Variants in DST observed in about 807,000 individuals in gnomAD.
DST encodes bullous pemphigoid antigen.
A neutral mutation model predicts 875.2 loss-of-function variants in DST; 253 were observed. The ratio of observed to expected loss-of-function variants is 0.29; its 90% CI spans 0.26 to 0.32. DST has a LOEUF of 0.32. Among genes scored for constraint, DST ranks in the 10% least tolerant of loss-of-function variants. The probability of loss-of-function intolerance (pLI) is 1.00; values close to 1 mark genes in which losing one functional copy is unlikely to be tolerated. For missense variants in DST, 8,287 were observed against 9,111.6 expected, an observed-to-expected ratio of 0.91 and a Z score of 3.68; for synonymous variants, 3,124 against 3,197.1, an observed-to-expected ratio of 0.98 and a Z score of 0.77.
intron 49 of DST, among the ~76,000 whole-genome samples, chr6:56,584,499 G>A (rs1259401856): frequency 0.014 from 2,053 of 143,062 alleles, 74 homozygotes; most frequent in African/African-American, 0.057. Flanking sequence ...TGGGGCTGAG[G>A]CCATGGGGTT....
intron 69 of DST, among the ~76,000 whole-genome samples, chr6:56,521,750 C>A (rs1010652661): frequency 2.6e-5 from 4 of 151,944 alleles, no homozygotes; most frequent in African/African-American, 9.7e-5. Flanking sequence ...TAAGGCGAGG[C>A]ATTTTAGGTC....
rs768959266 is a variant in DST, at chr6:56,605,437, C to A, written c.9191G>T (p.Gly3064Val). ...YLGEGEVLVEGLVEEENRHLK... is the reference protein window; with the variant it reads ...YLGEGEVLVEVLVEEENRHLK... ...ATGCCTATTTTCTTCTTCTACTAGA[C>A]CTTCTACAAGCACTTCTCCTTCACC... Residue 3064 changes from glycine to valine, a missense_variant, in exon 40 of 104, where the codon GGT (glycine) becomes GTT (valine). Coordinates refer to ENST00000680361, the MANE Select transcript of DST (RefSeq NM_001374736.1). The A allele has an allele frequency of 6.2e-7, 1 of 1,612,878 alleles. No individual in the cohort carries two copies. The highest frequency in any genetic ancestry group is 1.7e-5 in the Admixed American group (1 of 59,866).
intron 3 of DST, among the ~76,000 whole-genome samples, chr6:56,873,612 C>A (rs1778336810): frequency 6.6e-6 from 1 of 152,068 alleles, no homozygotes; most frequent in South Asian, 2.1e-4. Context: ...GTAAGCCAAG[C>A]ACAAAGAGAA....
chr6:56,590,452 T>C (rs1055543909), intron 49 of DST, among the ~76,000 whole-genome samples: 1 of 152,174 alleles, frequency 6.6e-6, no homozygotes, highest in Admixed American at 6.5e-5. Flanking sequence ...ATATATGCAA[T>C]CAATAATTAT....
intron 4 of DST, among the ~76,000 whole-genome samples, chr6:56,782,521 G>A (rs2099696208): frequency 1.3e-5 from 2 of 152,108 alleles, no homozygotes; most frequent in South Asian, 2.1e-4. Context: ...AGAGGTGTTT[G>A]TAGTATTCTC....
At chr6:56,936,232 A>G (rs1276082715) in intron 2 of DST, among the ~76,000 whole-genome samples, 1 of 152,264 alleles carries the variant, frequency 6.6e-6, no homozygotes, top group Admixed American at 6.5e-5. Flanking sequence ...CCCATTTACA[A>G]TAAAGTAGAA....
chr6:56,516,796 C>T (rs2096603440), intron 71 of DST, among the ~76,000 whole-genome samples: 1 of 152,088 alleles, frequency 6.6e-6, no homozygotes, highest in Non-Finnish European at 1.5e-5. Context: ...TGGATTTCAG[C>T]ATTAGAGAGA....
At chr6:56,783,683 GC>G in intron 4 of DST, among the ~76,000 whole-genome samples, 1 of 152,090 alleles carries the variant, frequency 6.6e-6, no homozygotes, top group Non-Finnish European at 1.5e-5. Flanking sequence ...GATCCAATTT[GC>G]CAGTCTGTGT....
chr6:56,824,856 C>A lies in DST; in HGVS notation c.625+26541G>T, dbSNP rs992597046. Among the ~76,000 whole-genome samples the A allele has an allele frequency of 3.0e-4, 46 of 151,878 alleles. 1 individual carries two copies. Among genetic ancestry groups the A allele is most frequent in the Non-Finnish European group, 4.9e-4 (33 of 67,848 alleles). ...GAGGAGCGTCTCCGCCCCGCAGCCA[C>A]CCCGTCCGGGAGGGAGGTGGGGGGG... On this transcript the variant is annotated intron_variant, in intron 4 of 103. Coordinates refer to ENST00000680361, the MANE Select transcript of DST (RefSeq NM_001374736.1).
chr6:56,788,876 TA>T (rs1468410276), intron 4 of DST, among the ~76,000 whole-genome samples: 27 of 152,326 alleles, frequency 1.8e-4, no homozygotes, highest in African/African-American at 6.5e-4. Context: ...TTAAACTTGT[TA>T]AACTTTTGTA....
At chr6:56,476,457 T>C in intron 91 of DST, 120 bp from the exon 92 acceptor site, 1 of 860,368 alleles carries the variant, frequency 1.2e-6, no homozygotes, top group South Asian at 2.4e-5. Flanking sequence ...CCCATAATGC[T>C]TCTGGTCTTT....
chr6:56,894,768 T>TC (rs1790115573), intron 3 of DST, among the ~76,000 whole-genome samples: 1 of 34,196 alleles, frequency 2.9e-5, no homozygotes, highest in Admixed American at 2.8e-4. Flanking sequence ...TGACCCCCCC[T>TC]CCCCCCTCCC....
chr6:56,689,403 G>A (rs1209159851), intron 9 of DST, among the ~76,000 whole-genome samples: 13 of 152,088 alleles, frequency 8.5e-5, no homozygotes, highest in Admixed American at 8.5e-4. Flanking sequence ...ACATTAAGAA[G>A]AAAATGAAAT....
intron 102 of DST, chr6:56,462,120 T>G (rs1238210597): frequency 1.3e-5 from 2 of 152,236 alleles, no homozygotes. Context: ...GGCCTTTAAG[T>G]TACGTCCTTT....
chr6:56,898,564 T>C (rs926256371), intron 3 of DST, among the ~76,000 whole-genome samples: 2 of 152,228 alleles, frequency 1.3e-5, no homozygotes, highest in African/African-American at 4.8e-5. Flanking sequence ...CTTCAACTGA[T>C]GCCTATTACA....
intron 55 of DST, among the ~76,000 whole-genome samples, chr6:56,564,473 C>A (rs2097613761): frequency 6.6e-6 from 1 of 152,132 alleles, no homozygotes. Context: ...AGATTTTGGG[C>A]TGAGATGATG....
intron 10 of DST, among the ~76,000 whole-genome samples, chr6:56,653,570 AG>A (rs1222563516): frequency 6.6e-6 from 1 of 152,122 alleles, no homozygotes; most frequent in Non-Finnish European, 1.5e-5. Context: ...CTGTAATCCC[AG>A]CTACTCGGGA....
chr6:56,578,160 C>T (rs1340724127), intron 50 of DST, among the ~76,000 whole-genome samples: 1 of 152,018 alleles, frequency 6.6e-6, no homozygotes, highest in Non-Finnish European at 1.5e-5. Flanking sequence ...CATTTAAGCC[C>T]AAGAGTTTGA....
chr6:56,792,386 C>A (rs1309121303), intron 4 of DST, among the ~76,000 whole-genome samples: 1 of 151,956 alleles, frequency 6.6e-6, no homozygotes, highest in East Asian at 1.9e-4. Flanking sequence ...CCAATTTATC[C>A]ATTAATTACA....
Sources: gnomAD v4.1 joint callset for allele counts (sites outside exome capture counted in the v4.1 genomes callset) on GRCh38, gnomAD v4.1.1 for gene constraint, MANE v1.5 for transcripts, NCBI Gene and HGNC (gene_info 2026-07-23, HGNC 2026-07-21) for gene names.